Variants in GATAD2A observed in about 807,000 individuals in gnomAD.
The protein encoded by GATAD2A is transcriptional repressor p66-alpha.
GATAD2A carries 12 observed loss-of-function variants against 68.5 expected under a neutral mutation model. The observed-to-expected ratio is 0.18, with a 90% CI of 0.11 to 0.28. The LOEUF (loss-of-function observed/expected upper bound fraction) is 0.28. GATAD2A is among the 10% of genes least tolerant of loss of function. The probability of loss-of-function intolerance (pLI) is 1.00; values close to 1 mark genes in which losing one functional copy is unlikely to be tolerated. For synonymous variants in GATAD2A, 410 were observed against 375.3 expected (o/e 1.09, Z -1.07); for missense variants, 755 against 868.5 (o/e 0.87, Z 1.64).
chr19:19,410,144 A>T (rs1276703672), intron 1 of GATAD2A, among the ~76,000 whole-genome samples: 1 of 152,116 alleles, frequency 6.6e-6, no homozygotes, highest in Middle Eastern at 3.2e-3. Flanking sequence ...GCACCTTCAC[A>T]GGTGAGTTTG....
chr19:19,386,055 C>T (rs1378620090), exon 1 of GATAD2A: 1 of 152,056 alleles, frequency 6.6e-6, no homozygotes, highest in Non-Finnish European at 1.5e-5. Flanking sequence ...GAGGGAGTCG[C>T]CTCCGCGGGA....
chr19:19,446,209 T>C (rs1021911139), intron 1 of GATAD2A, among the ~76,000 whole-genome samples: 5 of 152,262 alleles, frequency 3.3e-5, no homozygotes, highest in Admixed American at 1.3e-4. Flanking sequence ...GCTTTTTTGA[T>C]TGTAGCCATC....
At chr19:19,409,841 G>T (rs1196244606) in intron 1 of GATAD2A, among the ~76,000 whole-genome samples, 1 of 152,206 alleles carries the variant, frequency 6.6e-6, no homozygotes, top group African/African-American at 2.4e-5. Context: ...GAGAGTGTCA[G>T]ACCGTTGGCT....
intron 1 of GATAD2A, among the ~76,000 whole-genome samples, chr19:19,395,449 C>T (rs999502311): frequency 4.0e-5 from 6 of 151,102 alleles, no homozygotes; most frequent in Admixed American, 1.3e-4. Context: ...AGCGAGATTC[C>T]GTCTCAAAAA....
At chr19:19,485,749 C>T (rs2059386837) in intron 2 of GATAD2A, among the ~76,000 whole-genome samples, 1 of 152,214 alleles carries the variant, frequency 6.6e-6, no homozygotes, top group Admixed American at 6.5e-5. Flanking sequence ...CTCAGGACTG[C>T]AGAGATGGGC....
In GATAD2A at chr19:19,405,794, C is replaced by T. The variant is rs1245876327; in HGVS notation, c.-232C>T. On this transcript the variant is annotated 5_prime_UTR_variant, in exon 1 of 12. Transcript: ENST00000683918. ...CATGTCCCGGGCGGTGACGCCGGCG[C>T]CGGGCTCCATGTGTGCGGCCGAGGG... 6.7e-6 allele frequency: 1 copy of T among 150,234 alleles called. No individual in the cohort carries two copies. Among genetic ancestry groups the T allele is most frequent in the Non-Finnish European group, 1.5e-5 (1 of 67,536 alleles). 9.3% of individuals were successfully genotyped at this position (150,234 alleles called of 1,614,324 possible).
chr19:19,473,673 C>CA (rs2058472992), intron 2 of GATAD2A, among the ~76,000 whole-genome samples: 1 of 151,912 alleles, frequency 6.6e-6, no homozygotes, highest in South Asian at 2.1e-4. Context: ...CGCGGTGGCT[C>CA]ACGCCTGTAA....
intron 1 of GATAD2A, among the ~76,000 whole-genome samples, chr19:19,455,443 T>C (rs1433296826): frequency 1.3e-5 from 2 of 151,882 alleles, no homozygotes; most frequent in Non-Finnish European, 2.9e-5. Flanking sequence ...TGAGCTGAGA[T>C]TGTGCCGCGC....
At position 19,501,966 on chromosome 19, in the gene GATAD2A, T is replaced by C; in HGVS notation, c.1504-3T>C. The C allele has an allele frequency of 6.2e-7, 1 of 1,613,354 alleles. No individual in the cohort carries two copies. The highest frequency in any genetic ancestry group is 8.5e-7 in the Non-Finnish European group (1 of 1,179,356). ...ACTTTGCTTTCAACCCCCGTTTGTG[T>C]AGGTCATAAAACCCCGGCGTAAGTT... On this transcript the variant is annotated splice_region_variant and splice_polypyrimidine_tract_variant and intron_variant, in intron 9 of 11. Transcript: ENST00000683918.
intron 1 of GATAD2A, among the ~76,000 whole-genome samples, chr19:19,454,550 G>A (rs1184617380): frequency 6.6e-6 from 1 of 151,564 alleles, no homozygotes; most frequent in Admixed American, 6.6e-5. Context: ...AGTGAGCTGA[G>A]ATGGAGACAT....
chr19:19,421,912 C>G (rs748604747), intron 1 of GATAD2A, among the ~76,000 whole-genome samples: 33 of 152,060 alleles, frequency 2.2e-4, no homozygotes, highest in Non-Finnish European at 3.7e-4. Context: ...ACCTCCACCC[C>G]CTGGGTTCAA....
At chr19:19,437,312 G>T (rs1403504982) in intron 1 of GATAD2A, among the ~76,000 whole-genome samples, 1 of 151,998 alleles carries the variant, frequency 6.6e-6, no homozygotes, top group Non-Finnish European at 1.5e-5. Flanking sequence ...TGTATTTTTT[G>T]TAGAGACGGA....
intron 2 of GATAD2A, among the ~76,000 whole-genome samples, chr19:19,488,321 C>T (rs2059577564): frequency 3.3e-5 from 5 of 152,190 alleles, no homozygotes; most frequent in Admixed American, 3.3e-4. Context: ...CCAGGGGTTC[C>T]TCCCCACTGC....
intron 1 of GATAD2A, among the ~76,000 whole-genome samples, chr19:19,459,867 CAAGTT>C (rs2057270919): frequency 2.0e-5 from 3 of 152,358 alleles, no homozygotes; most frequent in Non-Finnish European, 2.9e-5. Flanking sequence ...TTCTGTCTCT[CAAGTT>C]AAGTTGTATC....
Position 19,507,080 on chromosome 19 carries a change from A to G in GATAD2A, c.*1606A>G, listed in dbSNP as rs1270353377. Reference sequence around the variant, plus strand: ...ACATTATCTAATTTTTTGTTGTGCAAATCCCCAAATTTCTCACTAATTTTT... The same window carrying G: ...ACATTATCTAATTTTTTGTTGTGCAGATCCCCAAATTTCTCACTAATTTTT... On this transcript the variant is annotated 3_prime_UTR_variant, in exon 12 of 12. Coordinates refer to ENST00000683918, the MANE Select transcript of GATAD2A (RefSeq NM_001384528.1). The G allele has an allele frequency of 2.6e-5, 4 of 152,008 alleles. No homozygotes were observed. Among genetic ancestry groups the G allele is most frequent in the African/African-American group, 7.3e-5 (3 of 41,362 alleles). The allele number at this position is 152,008 out of a possible 1,614,324, so 9.4% of individuals were successfully genotyped here.
At chr19:19,492,888 T>C (rs997390526) in intron 4 of GATAD2A, among the ~76,000 whole-genome samples, 176 bp downstream of exon 4, 11 of 151,918 alleles carry the variant, frequency 7.2e-5, no homozygotes, top group Middle Eastern at 3.2e-3. Context: ...GCTTACAAGA[T>C]GTTAAAGTGA....
intron 1 of GATAD2A, among the ~76,000 whole-genome samples, chr19:19,438,016 G>A (rs1422829186): frequency 1.3e-5 from 2 of 152,080 alleles, no homozygotes; most frequent in African/African-American, 2.4e-5. Context: ...TATCCATGGC[G>A]CCTGCACTAT....
chr19:19,491,194 GT>G (rs1310186145), intron 2 of GATAD2A, among the ~76,000 whole-genome samples: 2 of 152,144 alleles, frequency 1.3e-5, no homozygotes, highest in East Asian at 3.9e-4. Flanking sequence ...GATATTCACT[GT>G]TTCCCAGTTC....
intron 1 of GATAD2A, among the ~76,000 whole-genome samples, chr19:19,459,290 T>C (rs2057210438): frequency 6.6e-6 from 1 of 152,256 alleles, no homozygotes; most frequent in Non-Finnish European, 1.5e-5. Flanking sequence ...CTTCAGAGAT[T>C]ACTACCACTG....
Sources: allele counts gnomAD v4.1 joint callset (sites outside exome capture counted in the v4.1 genomes callset), GRCh38; gene constraint gnomAD v4.1.1; transcripts MANE v1.5; gene names NCBI Gene and HGNC (gene_info 2026-07-23, HGNC 2026-07-21).